MFAP3L: variants seen among roughly 807,000 people sequenced by gnomAD.
The protein encoded by MFAP3L is microfibrillar-associated protein 3-like.
A neutral mutation model predicts 20.0 loss-of-function variants in MFAP3L; 5 were observed. The observed-to-expected ratio is 0.25, with a 90% CI of 0.13 to 0.53. MFAP3L has a LOEUF of 0.53. MFAP3L is among the 20% of genes least tolerant of loss of function. The pLI is 0.96. For missense variants in MFAP3L, 409 were observed against 527.5 expected (o/e 0.78, Z 2.20); for synonymous variants, 219 against 213.0 (o/e 1.03, Z -0.25).
Position 169,989,734 on chromosome 4 carries a change from T to C in MFAP3L, c.*1644A>G, listed in dbSNP as rs1268967812. On this transcript the variant is annotated 3_prime_UTR_variant, in exon 3 of 3. Coordinates refer to ENST00000361618, the MANE Select transcript of MFAP3L (RefSeq NM_021647.8). The stretch of plus-strand genomic sequence containing the variant: ...TGCAATCTTGGACATCATAACCCCA[T>C]TACCTGATGTGGCCACGGCCCCTAT... 1.8e-4 allele frequency: 27 copies of C among 152,174 alleles called. No homozygotes were observed. The highest frequency in any genetic ancestry group is 2.9e-5 in the Non-Finnish European group (2 of 68,028). The allele number at this position is 152,174 out of a possible 1,614,324, so 9.4% of individuals were successfully genotyped here. A position where few individuals can be genotyped will look rare whatever the true frequency, so the allele number is the denominator to read the frequency against.
intron 2 of MFAP3L, among the ~76,000 whole-genome samples, chr4:169,997,170 C>G (rs1177585505): frequency 6.6e-6 from 1 of 151,966 alleles, no homozygotes; most frequent in South Asian, 2.1e-4. Flanking sequence ...TTATGTGATA[C>G]ATAAAAATAA....
At chr4:170,003,640 C>A in intron 2 of MFAP3L, 1 of 979,456 alleles carries the variant, frequency 1.0e-6, no homozygotes, top group Non-Finnish European at 1.2e-6. Flanking sequence ...GTTCAGTGCC[C>A]CAACCCAGCT....
chr4:170,016,586 G>A (rs1739715293), intron 1 of MFAP3L, among the ~76,000 whole-genome samples: 1 of 152,160 alleles, frequency 6.6e-6, no homozygotes, highest in Non-Finnish European at 1.5e-5. Flanking sequence ...ATTAGGATGG[G>A]AGCTCCTAGA....
chr4:169,995,262 G>C (rs1438923778), intron 2 of MFAP3L: 1 of 152,168 alleles, frequency 6.6e-6, no homozygotes, highest in Admixed American at 6.5e-5. Context: ...ACAGTTCTAA[G>C]ACTATCATAG....
In MFAP3L at chr4:169,991,979, A is replaced by AC; in HGVS notation, c.628_629insG (p.Ile210SerfsTer76). 1 of 1,614,148 alleles carries AC rather than the reference A, an allele frequency of 6.2e-7. No homozygotes were observed. The highest frequency in any genetic ancestry group is 8.5e-7 in the Non-Finnish European group (1 of 1,180,030). On this transcript the variant is annotated frameshift_variant, in exon 3 of 3. Transcript: ENST00000361618. LOFTEE classifies it high-confidence loss of function. The surrounding 1 kb of genome is among the most constrained non-coding windows in gnomAD (Gnocchi z 4.9). ...CTCTAGAGTTTTGGCGGAGGTGATG[A>AC]TGGGGATGCGCTTGGCGATCTCAAA... is the stretch of plus-strand genomic sequence containing the variant.
rs1341834971 is a variant in MFAP3L, at chr4:169,992,153, T to C, written c.455A>G (p.Tyr152Cys). 3.7e-6 allele frequency: 6 copies of C among 1,614,040 alleles called. No individual in the cohort carries two copies. Among genetic ancestry groups the C allele is most frequent in the Non-Finnish European group, 4.2e-6 (5 of 1,180,030 alleles). Reference sequence around the variant, plus strand: ...GGCCACCAGGCACACGACCATGTAGTAGACACCCATGTCTCCAGAAGTGAA... The same window carrying C: ...GGCCACCAGGCACACGACCATGTAGCAGACACCCATGTCTCCAGAAGTGAA... ...VIFTSGDMGV[Y>C]YMVVCLVAFT... The change falls in exon 3 of 3, where the codon TAC becomes TGC. Residue 152 changes from tyrosine to cysteine, a missense_variant. By Grantham distance (194) the Tyr-to-Cys change is radical. Coordinates refer to ENST00000361618, the MANE Select transcript of MFAP3L (RefSeq NM_021647.8). The surrounding 1 kb of genome is among the most constrained non-coding windows in gnomAD (Gnocchi z 4.3).
chr4:170,003,630 G>T, intron 2 of MFAP3L: 2 of 956,982 alleles, frequency 2.1e-6, no homozygotes, highest in Non-Finnish European at 2.5e-6. Context: ...GGACTGAGGA[G>T]TTCAGTGCCC....
In MFAP3L at chr4:169,996,511, C is replaced by G. The variant is rs554053651; in HGVS notation, c.299-4202G>C. On this transcript the variant is annotated intron_variant, in intron 2 of 2. Coordinates refer to ENST00000361618, the MANE Select transcript of MFAP3L (RefSeq NM_021647.8). ...TAAGTATAATGGCATCTGGGAGGGA[C>G]TGAAGGGGACAGAGAGCAAGGGCTT... 4.6e-5 allele frequency among the ~76,000 whole-genome samples: 7 copies of G among 152,086 alleles called. No homozygotes were observed. In the East Asian group the frequency reaches 1.4e-3, roughly 30 times the overall value.
At chr4:170,021,374 G>A (rs1024982657) in intron 1 of MFAP3L, among the ~76,000 whole-genome samples, 5 of 152,218 alleles carry the variant, frequency 3.3e-5, no homozygotes, top group African/African-American at 1.2e-4. Flanking sequence ...AAGAGCGAGG[G>A]AATGGTTTAC....
Position 169,990,594 on chromosome 4 carries a change from CTCAA to C in MFAP3L, c.*780_*783del, listed in dbSNP as rs1321725308. On this transcript the variant is annotated 3_prime_UTR_variant, in exon 3 of 3. Coordinates refer to ENST00000361618, the MANE Select transcript of MFAP3L (RefSeq NM_021647.8). ...TCAGCTGAGCTCACCAAAAGGCTCA[CTCAA>C]TCAGACAGGTAAACACATTTTTGAC... The C allele has an allele frequency of 2.0e-5, 3 of 152,606 alleles. No individual in the cohort carries two copies. The highest frequency in any genetic ancestry group is 2.1e-4 in the South Asian group (1 of 4,830). The allele number at this position is 152,606 out of a possible 1,614,324, so 9.5% of individuals were successfully genotyped here.
rs1239045582 is a variant in MFAP3L, at chr4:169,987,934, A to C, written c.*3444T>G. ...TGGTGCAATTAAAAATGAAACAAAC[A>C]ATAAAAACAGATAAAGGAGGAAAGG... On this transcript the variant is annotated 3_prime_UTR_variant, in exon 3 of 3. Transcript: ENST00000361618. 6.6e-6 allele frequency: 1 copy of C among 152,206 alleles called. No individual in the cohort carries two copies. The highest frequency in any genetic ancestry group is 2.4e-5 in the African/African-American group (1 of 41,452). The allele number at this position is 152,206 out of a possible 1,614,324, so 9.4% of individuals were successfully genotyped here. A position where few individuals can be genotyped will look rare whatever the true frequency, so the allele number is the denominator to read the frequency against.
At chr4:170,023,104 T>G (rs1026037551) in intron 1 of MFAP3L, among the ~76,000 whole-genome samples, 4 of 152,168 alleles carry the variant, frequency 2.6e-5, no homozygotes, top group African/African-American at 9.7e-5. Context: ...CATTCCTTAA[T>G]GAAATATCAT....
chr4:170,003,728 G>A, intron 2 of MFAP3L: 1 of 985,424 alleles, frequency 1.0e-6, no homozygotes, highest in African/African-American at 1.7e-5. Context: ...TCTTCCCTTT[G>A]ATTCAGTCAC....
At chr4:170,026,025 C>T (rs1278937694) in intron 1 of MFAP3L, among the ~76,000 whole-genome samples, 1 of 152,124 alleles carries the variant, frequency 6.6e-6, no homozygotes, top group Non-Finnish European at 1.5e-5. Context: ...CCAGCCCCCG[C>T]CCCGCACGGA....
At position 169,997,802 on chromosome 4, in the gene MFAP3L, C is replaced by CTTT. The variant is rs397768343; in HGVS notation, c.299-5496_299-5494dup. 5.2e-4 allele frequency: 492 copies of CTTT among 940,856 alleles called. 3 individuals are homozygous for CTTT. The highest frequency in any genetic ancestry group is 7.7e-4 in the African/African-American group (36 of 46,998). 58.3% of individuals were successfully genotyped at this position (940,856 alleles called of 1,614,324 possible). ...CCAGCTCGGCCTCCTTTCATTAATT[C>CTTT]TTTTTTTTTTTTTTTTAATATTGCT... On this transcript the variant is annotated intron_variant, in intron 2 of 2. Transcript: ENST00000361618.
rs149454914 is a variant in MFAP3L, at chr4:170,005,329, T to C, written c.298+251A>G. ...TCTCTATAATGTATTGGATGTATTATATTACAAAATTCCAAGAAGCCTTTA... is the reference window on the plus strand; with the variant it reads ...TCTCTATAATGTATTGGATGTATTACATTACAAAATTCCAAGAAGCCTTTA... On this transcript the variant is annotated intron_variant, in intron 2 of 2. Coordinates refer to ENST00000361618, the MANE Select transcript of MFAP3L (RefSeq NM_021647.8). The C allele has an allele frequency of 1.6e-4, 90 of 559,538 alleles. 1 individual carries two copies. Among genetic ancestry groups the C allele is most frequent in the African/African-American group, 1.4e-3 (73 of 53,550 alleles). 34.7% of individuals were successfully genotyped at this position (559,538 alleles called of 1,614,324 possible). A position where few individuals can be genotyped will look rare whatever the true frequency, so the allele number is the denominator to read the frequency against.
At chr4:170,024,826 A>T (rs1186845168) in intron 1 of MFAP3L, among the ~76,000 whole-genome samples, 2 of 152,240 alleles carry the variant, frequency 1.3e-5, no homozygotes, top group Admixed American at 1.3e-4. Flanking sequence ...AGCTGGAGCC[A>T]TCTCAGGCTT....
chr4:170,026,301 C>T lies in MFAP3L; in HGVS notation c.-201G>A, dbSNP rs1730405795. On this transcript the variant is annotated 5_prime_UTR_variant, in exon 1 of 3. Coordinates refer to ENST00000361618, the MANE Select transcript of MFAP3L (RefSeq NM_021647.8). ...GCCATGGCCAGCCCGACAGCGGCCG[C>T]TGCGCCGCACTCTGCGCCGGACGCC... The T allele has an allele frequency of 3.0e-6, 3 of 983,662 alleles. No homozygotes were observed. Among genetic ancestry groups the T allele is most frequent in the Non-Finnish European group, 3.6e-6 (3 of 829,116 alleles). The allele number at this position is 983,662 out of a possible 1,614,324, so 60.9% of individuals were successfully genotyped here.
chr4:170,014,062 T>C (rs1314587852), intron 1 of MFAP3L, among the ~76,000 whole-genome samples: 2 of 152,242 alleles, frequency 1.3e-5, no homozygotes, highest in Admixed American at 6.5e-5. Flanking sequence ...CATTTTTCTT[T>C]GATCTTTGAC....
Sources: gnomAD v4.1 joint callset for allele counts (sites outside exome capture counted in the v4.1 genomes callset) on GRCh38, gnomAD v4.1.1 for gene constraint, Gnocchi (gnomAD v3.1) non-coding constraint, MANE v1.5 for transcripts, NCBI Gene and HGNC (gene_info 2026-07-23, HGNC 2026-07-21) for gene names.